The following SLC22A16 variants were observed in gnomAD, a reference collection of about 807,000 sequenced individuals.
SLC22A16 encodes WUGSC:RG331P03.1.
SLC22A16 carries 53 observed loss-of-function variants against 52.9 expected under a neutral mutation model. That is an observed-to-expected ratio of 1.00 (90% CI 0.80 to 1.26). The LOEUF is 1.26. Among genes scored for constraint, SLC22A16 ranks in the 50% most tolerant of loss-of-function variants. The probability of loss-of-function intolerance (pLI) is 0.00; values close to 1 mark genes in which losing one functional copy is unlikely to be tolerated. For synonymous variants in SLC22A16, 291 were observed against 268.8 expected (o/e 1.08, Z -0.81); for missense variants, 726 against 704.0 (o/e 1.03, Z -0.35).
chr6:110,476,382 G>A, intron 1 of SLC22A16, 140 bp downstream of exon 1: 4 of 1,376,954 alleles, frequency 2.9e-6, no homozygotes, highest in African/African-American at 3.0e-5. Context: ...CTGGACGCCC[G>A]TGTCCCGACT....
Position 110,435,910 on chromosome 6 carries a change from C to A in SLC22A16, c.1363G>T (p.Gly455Trp). ...VTAMVGKFAIGAAFGLIYLYT... is the reference protein window; with the variant it reads ...VTAMVGKFAIWAAFGLIYLYT... ...AGATAAATGAGGCCAAATGCTGCCC[C>A]GATGGCAAATTTTCCAACCATAGCT... The change falls in exon 6 of 8, where the codon GGG becomes TGG. Residue 455 changes from glycine (G) to tryptophan (W), a missense_variant. Coordinates refer to ENST00000368919, the MANE Select transcript of SLC22A16 (RefSeq NM_033125.4). 6.2e-7 allele frequency: 1 copy of A among 1,613,970 alleles called. No homozygotes were observed.
At position 110,433,470 on chromosome 6, in the gene SLC22A16, TC is replaced by T. The variant is rs541200621; in HGVS notation, c.1422-2201del. 2.2e-4 allele frequency among the ~76,000 whole-genome samples: 34 copies of T among 152,324 alleles called. No individual in the cohort carries two copies. The East Asian group carries it at 5.4e-3, about 24-fold the overall frequency. ...ATGCTATCTCTTGACTAATGGATTTTCTAGGTCCTACATCCCTCCTGCTTGT... is the reference window on the plus strand; with the variant it reads ...ATGCTATCTCTTGACTAATGGATTTTTAGGTCCTACATCCCTCCTGCTTGT... On this transcript the variant is annotated intron_variant, in intron 6 of 7. Transcript: ENST00000368919.
chr6:110,468,573 G>A (rs1161997445), intron 1 of SLC22A16, among the ~76,000 whole-genome samples: 2 of 151,056 alleles, frequency 1.3e-5, no homozygotes, highest in South Asian at 2.1e-4. Flanking sequence ...TTGAATCTGG[G>A]AGGCGGAGGT....
chr6:110,429,334 G>A (rs185169795), intron 7 of SLC22A16, among the ~76,000 whole-genome samples: 22 of 152,250 alleles, frequency 1.4e-4, no homozygotes, highest in Admixed American at 3.3e-4. Context: ...TTTACTGAGC[G>A]CCTGCTCCGG....
chr6:110,473,409 G>A (rs886527288), intron 1 of SLC22A16, among the ~76,000 whole-genome samples: 1 of 147,022 alleles, frequency 6.8e-6, no homozygotes, highest in Non-Finnish European at 1.5e-5. Flanking sequence ...TGGAGCTTAA[G>A]CTGTGAAGTT....
chr6:110,431,558 G>A (rs1452168499), intron 6 of SLC22A16, among the ~76,000 whole-genome samples: 4 of 152,210 alleles, frequency 2.6e-5, no homozygotes, highest in African/African-American at 4.8e-5. Flanking sequence ...TCACAGCCGA[G>A]GAGGAATAAG....
At chr6:110,454,352 T>G (rs1775501210) in intron 2 of SLC22A16, among the ~76,000 whole-genome samples, 1 of 150,400 alleles carries the variant, frequency 6.6e-6, no homozygotes, top group African/African-American at 2.4e-5. Context: ...ACACTGGGAG[T>G]CAGGGACCAT....
intron 6 of SLC22A16, 45 bp downstream of exon 6, chr6:110,435,807 A>G: frequency 7.2e-7 from 1 of 1,390,306 alleles, no homozygotes; most frequent in Non-Finnish European, 1.0e-6. Context: ...ATGACACACA[A>G]GTGAAAGATA....
At chr6:110,473,286 C>G (rs17071731) in intron 1 of SLC22A16, among the ~76,000 whole-genome samples, 17,900 of 151,960 alleles carry the variant, frequency 0.12, 1,323 homozygotes, top group East Asian at 0.28. Context: ...CATTCCAACT[C>G]TAAACTTTTA....
At chr6:110,474,005 G>T (rs563858906) in intron 1 of SLC22A16, among the ~76,000 whole-genome samples, 11 of 152,222 alleles carry the variant, frequency 7.2e-5, no homozygotes, top group Middle Eastern at 3.4e-3. Context: ...AGCGGCCAGC[G>T]AGCATTACTT....
chr6:110,454,885 TATA>T (rs1413007209), intron 2 of SLC22A16, among the ~76,000 whole-genome samples: 23 of 83,870 alleles, frequency 2.7e-4, no homozygotes, highest in African/African-American at 1.2e-3. Context: ...ATATATATAT[TATA>T]ATATATATAA....
Position 110,424,772 on chromosome 6 carries a change from A to G in SLC22A16, c.*101T>C. The G allele has an allele frequency of 7.8e-7, 1 of 1,284,550 alleles. No individual in the cohort carries two copies. Among genetic ancestry groups the G allele is most frequent in the Admixed American group, 2.5e-5 (1 of 40,510 alleles). The allele number at this position is 1,284,550 out of a possible 1,614,324, so 79.6% of individuals were successfully genotyped here. A position where few individuals can be genotyped will look rare whatever the true frequency, so the allele number is the denominator to read the frequency against. Reference sequence around the variant, plus strand: ...AATTTTCTTACAAAATTTATTAAAAAGACATACAAACAACATATGGGAGAT... The same window carrying G: ...AATTTTCTTACAAAATTTATTAAAAGGACATACAAACAACATATGGGAGAT... On this transcript the variant is annotated 3_prime_UTR_variant, in exon 8 of 8. Coordinates refer to ENST00000368919, the MANE Select transcript of SLC22A16 (RefSeq NM_033125.4).
chr6:110,450,262 A>G (rs2114965373), intron 2 of SLC22A16, among the ~76,000 whole-genome samples: 1 of 152,342 alleles, frequency 6.6e-6, no homozygotes, highest in African/African-American at 2.4e-5. Context: ...TAAGACATTT[A>G]GAATAGTACC....
At chr6:110,428,612 A>T (rs1379786914) in intron 7 of SLC22A16, among the ~76,000 whole-genome samples, 1 of 152,236 alleles carries the variant, frequency 6.6e-6, no homozygotes, top group Non-Finnish European at 1.5e-5. Context: ...TTTGTAAAGC[A>T]TGTTCAAAAA....
At chr6:110,434,191 A>G (rs1774623278) in intron 6 of SLC22A16, among the ~76,000 whole-genome samples, 2 of 152,278 alleles carry the variant, frequency 1.3e-5, no homozygotes, top group African/African-American at 4.8e-5. Context: ...GTGAGCCAAG[A>G]TCACACCATT....
chr6:110,428,111 G>A (rs1044474242), intron 7 of SLC22A16, among the ~76,000 whole-genome samples: 1 of 152,282 alleles, frequency 6.6e-6, no homozygotes, highest in Non-Finnish European at 1.5e-5. Flanking sequence ...GCATCAGAAC[G>A]AGTGATTTTT....
chr6:110,446,629 A>T (rs1202664392), intron 3 of SLC22A16, among the ~76,000 whole-genome samples: 1 of 152,074 alleles, frequency 6.6e-6, no homozygotes, highest in African/African-American at 2.4e-5. Flanking sequence ...TAATTGTGAC[A>T]TGTGGACCAC....
intron 4 of SLC22A16, 111 bp from the exon 5 acceptor site, chr6:110,438,958 G>T: frequency 7.4e-7 from 1 of 1,346,302 alleles, no homozygotes; most frequent in East Asian, 2.5e-5. Context: ...CCTCACTTCT[G>T]GGGCCTTTAG....
At chr6:110,446,788 A>T in intron 3 of SLC22A16, 85 bp downstream of exon 3, 1 of 1,178,404 alleles carries the variant, frequency 8.5e-7, no homozygotes, top group Non-Finnish European at 1.2e-6. Flanking sequence ...CTCGCTCACT[A>T]GATCTTAAAT....
Sources: gnomAD v4.1 joint callset for allele counts (sites outside exome capture counted in the v4.1 genomes callset) on GRCh38, gnomAD v4.1.1 for gene constraint, MANE v1.5 for transcripts, NCBI Gene and HGNC (gene_info 2026-07-23, HGNC 2026-07-21) for gene names.